LAMA3: variants seen among roughly 807,000 people sequenced by gnomAD.
LAMA3 encodes the protein laminin subunit alpha 3.
Under a neutral mutation model 402.0 loss-of-function variants are expected in LAMA3, and 281 were observed. That is an observed-to-expected ratio of 0.70 (90% CI 0.63 to 0.77). LAMA3 has a LOEUF of 0.77. Ranked by LOEUF, LAMA3 falls within the 30% of genes least tolerant of loss-of-function variation. The pLI, the probability that LAMA3 is intolerant of heterozygous loss-of-function variation, is 0.00. For missense variants in LAMA3, 3,840 were observed against 4,215.5 expected, an observed-to-expected ratio of 0.91 and a Z score of 2.47; for synonymous variants, 1,431 against 1,558.4, an observed-to-expected ratio of 0.92 and a Z score of 1.93.
At chr18:23,865,803 A>C (rs1391925289) in intron 36 of LAMA3, among the ~76,000 whole-genome samples, 4 of 152,210 alleles carry the variant, frequency 2.6e-5, no homozygotes, top group African/African-American at 9.6e-5. Flanking sequence ...GGGGTGGTAC[A>C]GGGCAGGAGG....
intron 27 of LAMA3, among the ~76,000 whole-genome samples, chr18:23,842,119 C>G (rs2063714624): frequency 6.6e-6 from 1 of 152,100 alleles, no homozygotes; most frequent in Non-Finnish European, 1.5e-5. Context: ...AAATTATACC[C>G]CCTCCAACAT....
At chr18:23,883,961 C>A in intron 40 of LAMA3, among the ~76,000 whole-genome samples, 1 of 152,062 alleles carries the variant, frequency 6.6e-6, no homozygotes. Flanking sequence ...CAGGCATTCT[C>A]TTACCAGCAA....
At chr18:23,718,750 G>T (rs2061156409) in intron 2 of LAMA3, among the ~76,000 whole-genome samples, 1 of 152,192 alleles carries the variant, frequency 6.6e-6, no homozygotes, top group Non-Finnish European at 1.5e-5. Context: ...GTGGCAGCTG[G>T]GATGGATAGT....
chr18:23,752,854 T>C (rs2143599397), intron 5 of LAMA3, among the ~76,000 whole-genome samples: 1 of 152,358 alleles, frequency 6.6e-6, no homozygotes, highest in East Asian at 1.9e-4. Flanking sequence ...CCTCTTGTCC[T>C]TGCGAATTCA....
intron 11 of LAMA3, chr18:23,781,306 C>A (rs1166953623): frequency 1.1e-5 from 5 of 456,060 alleles, no homozygotes; most frequent in Non-Finnish European, 1.8e-5. Context: ...GGGTGGTGCT[C>A]ATGCCATCCT....
chr18:23,898,960 G>C lies in LAMA3; in HGVS notation c.5731G>C (p.Val1911Leu), dbSNP rs910363270. 22 of 1,612,946 alleles carry C rather than the reference G, an allele frequency of 1.4e-5. No individual in the cohort carries two copies. Among genetic ancestry groups the C allele is most frequent in the Non-Finnish European group, 1.9e-5 (22 of 1,179,100 alleles). Reference sequence around the variant, plus strand: ...CAATTTATTTTTCATATAGGCTCAAGTAAATTCCAGAAAAGCACAAACATT... The same window carrying C: ...CAATTTATTTTTCATATAGGCTCAACTAAATTCCAGAAAAGCACAAACATT... ...EFETLQEKAQVNSRKAQTLNN... is the reference protein window; with the variant it reads ...EFETLQEKAQLNSRKAQTLNN... The change falls in exon 46 of 75, where the codon GTA becomes CTA. Residue 1911 changes from valine to leucine, a missense_variant. Physicochemically the swap from Val to Leu is conservative, Grantham distance 32. Transcript: ENST00000313654.
chr18:23,811,186 G>A (rs538695188), intron 13 of LAMA3, among the ~76,000 whole-genome samples: 74 of 152,306 alleles, frequency 4.9e-4, no homozygotes, highest in African/African-American at 1.7e-3. Flanking sequence ...TACCATGGCA[G>A]AGGGGACAGA....
At chr18:23,886,259 A>C (rs1204416208) in intron 41 of LAMA3, among the ~76,000 whole-genome samples, 1 of 152,230 alleles carries the variant, frequency 6.6e-6, no homozygotes, top group Non-Finnish European at 1.5e-5. Flanking sequence ...TGCCCTCCAG[A>C]AAAGTTTATA....
At position 23,881,988 on chromosome 18, in the gene LAMA3, A is replaced by G; in HGVS notation, c.5165A>G (p.Tyr1722Cys). The change falls in exon 40 of 75, where the codon TAC becomes TGC. Residue 1722 changes from tyrosine to cysteine, a missense_variant. Coordinates refer to ENST00000313654, the MANE Select transcript of LAMA3 (RefSeq NM_198129.4). ...CACTGTGAACGCTGCCAGGAGGGCT[A>G]CTATGGCAACGCCGTCCACGGATCC... ...GEHCERCQEG[Y>C]YGNAVHGSCR... 6.2e-7 allele frequency: 1 copy of G among 1,614,112 alleles called. No homozygotes were observed.
intron 38 of LAMA3, 113 bp downstream of exon 38, chr18:23,871,774 C>G: frequency 1.2e-6 from 1 of 812,360 alleles, no homozygotes; most frequent in Non-Finnish European, 2.1e-6. Context: ...TTTCTCTGTT[C>G]AAGTTTCTGC....
chr18:23,699,082 G>A (rs1313981106), intron 1 of LAMA3, among the ~76,000 whole-genome samples: 3 of 151,842 alleles, frequency 2.0e-5, no homozygotes, highest in Non-Finnish European at 4.4e-5. Context: ...GAAAGGAGAT[G>A]ATGTTGGTGC....
At chr18:23,804,077 A>G (rs1014476424) in intron 12 of LAMA3, among the ~76,000 whole-genome samples, 4 of 152,166 alleles carry the variant, frequency 2.6e-5, no homozygotes, top group Non-Finnish European at 4.4e-5. Flanking sequence ...TAGTGACTTC[A>G]TGGCCCATGG....
intron 32 of LAMA3, among the ~76,000 whole-genome samples, chr18:23,853,310 G>GT (rs2063987471): frequency 6.6e-6 from 1 of 152,196 alleles, no homozygotes; most frequent in African/African-American, 2.4e-5. Context: ...TTTCACTCTT[G>GT]TTGCCCAGGC....
intron 33 of LAMA3, 53 bp downstream of exon 33, chr18:23,858,041 C>G (rs1284228948): frequency 6.2e-7 from 1 of 1,607,640 alleles, no homozygotes; most frequent in African/African-American, 1.3e-5. Flanking sequence ...CAGGAAAGTG[C>G]TTCATGTTGA....
intron 8 of LAMA3, among the ~76,000 whole-genome samples, chr18:23,768,423 T>A (rs2062125670): frequency 6.6e-6 from 1 of 152,204 alleles, no homozygotes; most frequent in African/African-American, 2.4e-5. Flanking sequence ...GAAATGCATG[T>A]CAAAACCACA....
At chr18:23,911,014 C>G (rs2081407115) in intron 55 of LAMA3, among the ~76,000 whole-genome samples, 1 of 150,386 alleles carries the variant, frequency 6.6e-6, no homozygotes, top group East Asian at 2.3e-4. Context: ...CCAGTTCTGT[C>G]AGTCATGTTC....
intron 34 of LAMA3, 103 bp from the exon 35 acceptor site, chr18:23,861,543 A>C (rs1200393254): frequency 1.5e-6 from 2 of 1,327,902 alleles, no homozygotes; most frequent in Non-Finnish European, 2.2e-6. Context: ...CTCTGAGGCA[A>C]GGAGGCTGCC....
At chr18:23,931,422 T>C (rs1252426135) in intron 65 of LAMA3, 2 of 536,990 alleles carry the variant, frequency 3.7e-6, no homozygotes, top group African/African-American at 1.9e-5. Flanking sequence ...CTAAGAAGGC[T>C]GAGGCAAGAG....
intron 40 of LAMA3, among the ~76,000 whole-genome samples, chr18:23,882,732 C>T (rs548589148): frequency 1.3e-5 from 2 of 152,150 alleles, no homozygotes; most frequent in Non-Finnish European, 2.9e-5. Context: ...TTTCGAGCAC[C>T]CATGACAGGG....
Sources: allele counts gnomAD v4.1 joint callset (sites outside exome capture counted in the v4.1 genomes callset), GRCh38; gene constraint gnomAD v4.1.1; transcripts MANE v1.5; gene names NCBI Gene and HGNC (gene_info 2026-07-23, HGNC 2026-07-21).